Variants in PIEZO2 observed in about 807,000 individuals in gnomAD.
PIEZO2 encodes piezo-type mechanosensitive ion channel component 2.
PIEZO2 carries 172 observed loss-of-function variants against 337.3 expected under a neutral mutation model. The ratio of observed to expected loss-of-function variants is 0.51; its 90% CI spans 0.45 to 0.58. The LOEUF is 0.58. PIEZO2 is among the 20% of genes least tolerant of loss of function. The pLI, the probability that PIEZO2 is intolerant of heterozygous loss-of-function variation, is 0.00. For synonymous variants in PIEZO2, 1,251 were observed against 1,228.5 expected (o/e 1.02, Z -0.38); for missense variants, 3,028 against 3,391.3 (o/e 0.89, Z 2.66).
chr18:11,119,871 A>G (rs1244955503), intron 1 of PIEZO2, among the ~76,000 whole-genome samples: 4 of 152,242 alleles, frequency 2.6e-5, no homozygotes, highest in Non-Finnish European at 5.9e-5. Context: ...TAGTAAGAAT[A>G]TGAGAACAAT....
chr18:11,123,789 G>A (rs575700563), intron 1 of PIEZO2, among the ~76,000 whole-genome samples: 1 of 150,008 alleles, frequency 6.7e-6, no homozygotes, highest in African/African-American at 2.5e-5. Context: ...CAACCTGGGC[G>A]AGAGAGGGAG....
chr18:11,038,339 T>C lies in PIEZO2; in HGVS notation c.160+27788A>G, dbSNP rs569883571. 6.6e-6 allele frequency among the ~76,000 whole-genome samples: 1 copy of C among 152,134 alleles called. No homozygotes were observed. Among genetic ancestry groups the C allele is most frequent in the Non-Finnish European group, 1.5e-5 (1 of 68,044 alleles). On this transcript the variant is annotated intron_variant, in intron 2 of 55. Coordinates refer to ENST00000674853, the MANE Select transcript of PIEZO2 (RefSeq NM_001378183.1). The surrounding 1 kb of genome is among the most constrained non-coding windows in gnomAD (Gnocchi z 4.1). ...TTAGCTGAGCAATATTATTTCTAAG[T>C]TGTATTTTCCTTCCTTAATTTTTAA...
chr18:10,760,450 G>A (rs575909318), intron 24 of PIEZO2, among the ~76,000 whole-genome samples: 19 of 152,196 alleles, frequency 1.2e-4, no homozygotes, highest in East Asian at 7.8e-4. Flanking sequence ...GATTACAGGC[G>A]TGCACCACCA....
chr18:10,986,307 C>T (rs1348369656), intron 2 of PIEZO2, among the ~76,000 whole-genome samples: 2 of 151,836 alleles, frequency 1.3e-5, no homozygotes, highest in African/African-American at 2.4e-5. Flanking sequence ...GGCCAATATC[C>T]CTGATGAACA....
At chr18:11,039,748 GCACACACACA>G (rs72175382) in intron 2 of PIEZO2, among the ~76,000 whole-genome samples, 1 of 140,474 alleles carries the variant, frequency 7.1e-6, no homozygotes, top group African/African-American at 2.8e-5. Context: ...TTTTAAATAG[GCACACACACA>G]CACACACACA....
intron 1 of PIEZO2, among the ~76,000 whole-genome samples, chr18:11,082,704 T>C (rs1180953412): frequency 2.6e-5 from 4 of 152,040 alleles, no homozygotes; most frequent in Admixed American, 2.0e-4. Context: ...AGAACTAGAG[T>C]ATATGTGTGT....
At position 11,146,373 on chromosome 18, in the gene PIEZO2, GCA is replaced by G. The variant is rs1769104713; in HGVS notation, c.64+2150_64+2151del. ...CCAGCAGGAGGTGAACAGTGTGCGG[GCA>G]CCACAGAAGAAGCTCGGTGGGGGTC... On this transcript the variant is annotated intron_variant, in intron 1 of 55. Coordinates refer to ENST00000674853, the MANE Select transcript of PIEZO2 (RefSeq NM_001378183.1). The surrounding 1 kb of genome is among the most constrained non-coding windows in gnomAD (Gnocchi z 6.1). Among the ~76,000 whole-genome samples, 1 of 152,168 alleles carries G rather than the reference GCA, an allele frequency of 6.6e-6. No homozygotes were observed. Among genetic ancestry groups the G allele is most frequent in the Non-Finnish European group, 1.5e-5 (1 of 68,026 alleles).
At position 10,856,937 on chromosome 18, in the gene PIEZO2, C is replaced by A. The variant is rs2041721062; in HGVS notation, c.703+64G>T. 15 of 1,375,588 alleles carry A rather than the reference C, an allele frequency of 1.1e-5. No homozygotes were observed. In the South Asian group the frequency reaches 1.5e-4, roughly 14 times the overall value. 85.2% of individuals were successfully genotyped at this position (1,375,588 alleles called of 1,614,324 possible). On this transcript the variant is annotated intron_variant, in intron 6 of 55. Transcript: ENST00000674853. The surrounding 1 kb of genome is among the most constrained non-coding windows in gnomAD (Gnocchi z 4.7). ...TCCTTCATTTCTTCTTCAACCATTTCTCTCATTCACCAAAGCACTGCTTGT... is the reference window on the plus strand; with the variant it reads ...TCCTTCATTTCTTCTTCAACCATTTATCTCATTCACCAAAGCACTGCTTGT...
intron 2 of PIEZO2, among the ~76,000 whole-genome samples, chr18:11,010,441 T>A (rs1182157353): frequency 6.6e-6 from 1 of 151,796 alleles, no homozygotes; most frequent in Non-Finnish European, 1.5e-5. Context: ...AATCACACAA[T>A]CCTCTAAGAG....
intron 33 of PIEZO2, among the ~76,000 whole-genome samples, chr18:10,736,976 T>C (rs764430365): frequency 1.3e-5 from 2 of 151,946 alleles, no homozygotes; most frequent in African/African-American, 4.9e-5. Flanking sequence ...TGGTATGTTC[T>C]CCCTTCTTCA....
chr18:10,780,791 T>A (rs936043240), intron 17 of PIEZO2, among the ~76,000 whole-genome samples: 1 of 151,022 alleles, frequency 6.6e-6, no homozygotes, highest in African/African-American at 2.4e-5. Flanking sequence ...GCCTCCCAAG[T>A]GGCTGGGATT....
intron 9 of PIEZO2, among the ~76,000 whole-genome samples, chr18:10,802,723 A>G (rs1250551083): frequency 6.6e-6 from 1 of 152,140 alleles, no homozygotes; most frequent in African/African-American, 2.4e-5. Context: ...TAACCCTAGC[A>G]CTTTGGAAGA....
At chr18:10,733,603 C>T (rs1308830095) in intron 35 of PIEZO2, among the ~76,000 whole-genome samples, 5 of 152,086 alleles carry the variant, frequency 3.3e-5, no homozygotes, top group Non-Finnish European at 5.9e-5. Flanking sequence ...CGCCTGCCAC[C>T]ACGCCCGGCT....
At chr18:10,970,573 A>G (rs1257853375) in intron 3 of PIEZO2, among the ~76,000 whole-genome samples, 2 of 152,188 alleles carry the variant, frequency 1.3e-5, no homozygotes, top group Non-Finnish European at 2.9e-5. Context: ...TCAAGACATT[A>G]TAAATATGCC....
At chr18:10,711,356 G>C (rs1234754258) in intron 39 of PIEZO2, among the ~76,000 whole-genome samples, 1 of 152,066 alleles carries the variant, frequency 6.6e-6, no homozygotes, top group Non-Finnish European at 1.5e-5. Context: ...CACTGATTCA[G>C]AGTTTGGTTC....
At chr18:10,825,155 TG>T (rs1291838004) in intron 7 of PIEZO2, among the ~76,000 whole-genome samples, 1 of 152,174 alleles carries the variant, frequency 6.6e-6, no homozygotes, top group Admixed American at 6.5e-5. Context: ...TGAGCCATCA[TG>T]CCCGGCCACC....
chr18:10,846,404 T>G lies in PIEZO2; in HGVS notation c.917+8949A>C, dbSNP rs1399653164. The stretch of plus-strand genomic sequence containing the variant: ...CGGGGATGAGATTTGGGTGGGGTCA[T>G]AGCAAAACCTATCACTTAGAGTTCA... On this transcript the variant is annotated intron_variant, in intron 7 of 55. Transcript: ENST00000674853. The surrounding 1 kb of genome is among the most constrained non-coding windows in gnomAD (Gnocchi z 4.1). 6.6e-6 allele frequency among the ~76,000 whole-genome samples: 1 copy of G among 152,194 alleles called. No homozygotes were observed. Among genetic ancestry groups the G allele is most frequent in the East Asian group, 1.9e-4 (1 of 5,200 alleles).
chr18:11,020,347 A>C (rs72870660), intron 2 of PIEZO2, among the ~76,000 whole-genome samples: 21,754 of 152,158 alleles, frequency 0.14, 1,654 homozygotes, highest in Middle Eastern at 0.2. Context: ...CAGTCTTCAC[A>C]AAATGACTTC....
At position 10,671,159 on chromosome 18, in the gene PIEZO2, G is replaced by A. The variant is rs1446278353; in HGVS notation, c.*368C>T. The A allele has an allele frequency of 5.0e-6, 1 of 198,252 alleles. No individual in the cohort carries two copies. The highest frequency in any genetic ancestry group is 2.4e-5 in the African/African-American group (1 of 42,022). 12.3% of individuals were successfully genotyped at this position (198,252 alleles called of 1,614,324 possible). ...TATATTGCATTGTAGCATCTCTCCA[G>A]GAAGTGCACGGGCCCCACAGAGGAA... On this transcript the variant is annotated 3_prime_UTR_variant, in exon 56 of 56. Transcript: ENST00000674853.
Sources: gnomAD v4.1 joint callset for allele counts (sites outside exome capture counted in the v4.1 genomes callset) on GRCh38, gnomAD v4.1.1 for gene constraint, Gnocchi (gnomAD v3.1) non-coding constraint, MANE v1.5 for transcripts, NCBI Gene and HGNC (gene_info 2026-07-23, HGNC 2026-07-21) for gene names.